Variants in LMOD2 observed in about 807,000 individuals in gnomAD.
LMOD2 encodes leiomodin 2.
A neutral mutation model predicts 41.7 loss-of-function variants in LMOD2; 27 were observed. The ratio of observed to expected loss-of-function variants is 0.65; its 90% CI spans 0.48 to 0.89. The LOEUF (loss-of-function observed/expected upper bound fraction) is 0.89, where lower values mean the gene tolerates loss of function less well. Among genes scored for constraint, LMOD2 ranks in the 40% least tolerant of loss-of-function variants. The pLI is 0.00. For missense variants in LMOD2, 624 were observed against 667.9 expected (o/e 0.93, Z 0.72); for synonymous variants, 251 against 244.6 (o/e 1.03, Z -0.25).
At chr7:123,660,732 C>A (rs199586942) in intron 1 of LMOD2, among the ~76,000 whole-genome samples, 2 of 144,874 alleles carry the variant, frequency 1.4e-5, no homozygotes, top group African/African-American at 5.0e-5. Flanking sequence ...ATTTCTAGAC[C>A]TTTTTTTTTT....
At position 123,662,899 on chromosome 7, in the gene LMOD2, T is replaced by C. The variant is rs774926920; in HGVS notation, c.1313T>C (p.Leu438Pro). 2.1e-5 allele frequency: 27 copies of C among 1,294,080 alleles called. No homozygotes were observed. Among genetic ancestry groups the C allele is most frequent in the Non-Finnish European group, 2.4e-5 (24 of 984,144 alleles). 80.2% of individuals were successfully genotyped at this position (1,294,080 alleles called of 1,614,324 possible). A position where few individuals can be genotyped will look rare whatever the true frequency, so the allele number is the denominator to read the frequency against. ...CCTCCCCCTCCTTCTTCCCAAAGGCTGCCACCACCTCCTCCTCCTCCCCCT... is the reference window on the plus strand; with the variant it reads ...CCTCCCCCTCCTTCTTCCCAAAGGCCGCCACCACCTCCTCCTCCTCCCCCT... ...PPPPPPSSQR[L>P]PPPPPPPPPP... The change falls in exon 2 of 3, where the codon CTG becomes CCG. Residue 438 changes from leucine (L) to proline (P), a missense_variant. By Grantham distance (98) the Leu-to-Pro change is moderately conservative. Coordinates refer to ENST00000458573, the MANE Select transcript of LMOD2 (RefSeq NM_207163.3). This position sits in a 1 kb window ranked among gnomAD's most constrained non-coding sequence, Gnocchi z 4.0.
intron 1 of LMOD2, 97 bp downstream of exon 1, chr7:123,656,333 C>T (rs1802787313): frequency 6.9e-6 from 9 of 1,309,014 alleles, no homozygotes; most frequent in Non-Finnish European, 8.3e-6. Context: ...ATCCTCATCA[C>T]TTGAATTTTC....
intron 1 of LMOD2, among the ~76,000 whole-genome samples, chr7:123,658,082 T>A (rs536320237): frequency 1.5e-4 from 23 of 151,542 alleles, no homozygotes; most frequent in Non-Finnish European, 3.2e-4. Context: ...GGCTTTTTAA[T>A]GTCACAATGA....
At chr7:123,661,461 G>C (rs1735010258) in intron 1 of LMOD2, among the ~76,000 whole-genome samples, 1 of 152,250 alleles carries the variant, frequency 6.6e-6, no homozygotes, top group Admixed American at 6.5e-5. Flanking sequence ...AGTGATTCCA[G>C]AAGGGAGGGT....
intron 1 of LMOD2, among the ~76,000 whole-genome samples, chr7:123,661,647 C>G (rs1266483580): frequency 6.6e-6 from 1 of 152,010 alleles, no homozygotes; most frequent in Non-Finnish European, 1.5e-5. Context: ...CTGCAGAAAA[C>G]AAGAGAAATG....
chr7:123,661,853 T>C lies in LMOD2; in HGVS notation c.274-7T>C. The stretch of plus-strand genomic sequence containing the variant: ...AAGAAGCTTAATGATGATATCATAC[T>C]CTTTAGGTTGCAGAAGACAAAGAGG... On this transcript the variant is annotated splice_polypyrimidine_tract_variant and splice_region_variant and intron_variant, in intron 1 of 2. Coordinates refer to ENST00000458573, the MANE Select transcript of LMOD2 (RefSeq NM_207163.3). The C allele has an allele frequency of 2.7e-6, 4 of 1,486,190 alleles. No individual in the cohort carries two copies. The South Asian group carries it at 5.4e-5, about 20-fold the overall frequency. The allele number at this position is 1,486,190 out of a possible 1,614,324, so 92.1% of individuals were successfully genotyped here.
chr7:123,660,615 G>C (rs183971687), intron 1 of LMOD2, among the ~76,000 whole-genome samples: 4 of 151,422 alleles, frequency 2.6e-5, no homozygotes, highest in Admixed American at 1.3e-4. Context: ...CCAATATAGA[G>C]AGAAGAATCA....
In LMOD2 at chr7:123,662,382, G is replaced by C; in HGVS notation, c.796G>C (p.Val266Leu). 6.2e-7 allele frequency: 1 copy of C among 1,613,820 alleles called. No individual in the cohort carries two copies. The highest frequency in any genetic ancestry group is 8.5e-7 in the Non-Finnish European group (1 of 1,179,854). Residue 266 changes from valine (V) to leucine (L), a missense_variant, in exon 2 of 3, where the codon GTC becomes CTC. Transcript: ENST00000458573. The surrounding 1 kb of genome is among the most constrained non-coding windows in gnomAD (Gnocchi z 4.0). ...AAMAIAEMLKVNEHITNVNVE... is the reference protein window; with the variant it reads ...AAMAIAEMLKLNEHITNVNVE... The stretch of plus-strand genomic sequence containing the variant: ...CATGGCCATTGCAGAGATGCTCAAA[G>C]TCAATGAGCACATCACCAACGTAAA...
chr7:123,659,087 T>G (rs969343216), intron 1 of LMOD2, among the ~76,000 whole-genome samples: 1 of 152,210 alleles, frequency 6.6e-6, no homozygotes, highest in Non-Finnish European at 1.5e-5. Context: ...AAACGGTCAA[T>G]TAACACATAC....
Position 123,662,238 on chromosome 7 carries a change from T to C in LMOD2, c.652T>C (p.Leu218=), listed in dbSNP as rs771517107. Reference sequence around the variant, plus strand: ...TGACCCTGACACCACAGAAGTCAATTTGAACAACATTGAGAACATCACAAC... The same window carrying C: ...TGACCCTGACACCACAGAAGTCAATCTGAACAACATTGAGAACATCACAAC... ...SNDPDTTEVN[L]NNIENITTQT... The change falls in exon 2 of 3, where the codon TTG becomes CTG. Residue 218 remains leucine, a synonymous_variant. Coordinates refer to ENST00000458573, the MANE Select transcript of LMOD2 (RefSeq NM_207163.3). This position sits in a 1 kb window ranked among gnomAD's most constrained non-coding sequence, Gnocchi z 4.0. 3 of 1,613,976 alleles carry C rather than the reference T, an allele frequency of 1.9e-6. No homozygotes were observed. The Admixed American group carries it at 5.0e-5, about 27-fold the overall frequency.
In LMOD2 at chr7:123,661,854, CT is replaced by C; in HGVS notation, c.274-3del. ...AGAAGCTTAATGATGATATCATACT[CT>C]TTAGGTTGCAGAAGACAAAGAGGAA... On this transcript the variant is annotated splice_region_variant and splice_polypyrimidine_tract_variant and intron_variant, in intron 1 of 2. Coordinates refer to ENST00000458573, the MANE Select transcript of LMOD2 (RefSeq NM_207163.3). The C allele has an allele frequency of 1.3e-6, 2 of 1,497,490 alleles. No homozygotes were observed. The highest frequency in any genetic ancestry group is 8.9e-7 in the Non-Finnish European group (1 of 1,120,590). The allele number at this position is 1,497,490 out of a possible 1,614,324, so 92.8% of individuals were successfully genotyped here.
intron 1 of LMOD2, 119 bp downstream of exon 1, chr7:123,656,355 T>C: frequency 9.7e-7 from 1 of 1,026,204 alleles, no homozygotes; most frequent in Non-Finnish European, 1.4e-6. Context: ...TATAACCCAT[T>C]TATACTTGCT....
At chr7:123,660,295 TCTCTCTCTCTCC>T (rs1431941493) in intron 1 of LMOD2, among the ~76,000 whole-genome samples, 1 of 145,520 alleles carries the variant, frequency 6.9e-6, no homozygotes, top group Non-Finnish European at 1.5e-5. Context: ...TTTCTCTCTC[TCTCTCTCTCTCC>T]CTCTCTCTCT....
At chr7:123,661,056 T>A (rs368802937) in intron 1 of LMOD2, among the ~76,000 whole-genome samples, 1 of 152,178 alleles carries the variant, frequency 6.6e-6, no homozygotes, top group African/African-American at 2.4e-5. Flanking sequence ...AGGTTTCAAG[T>A]TGATTTTCCC....
At chr7:123,663,265 A>T (rs772208536) in intron 2 of LMOD2, 62 bp downstream of exon 2, 1 of 1,502,172 alleles carries the variant, frequency 6.7e-7, no homozygotes. Flanking sequence ...CCTCCATTGC[A>T]TGGTGGTACC....
Position 123,660,303 on chromosome 7 carries a change from T to C in LMOD2, c.274-1557T>C, listed in dbSNP as rs60628377. Among the ~76,000 whole-genome samples the C allele has an allele frequency of 1.1e-3, 126 of 116,240 alleles. 2 individuals are homozygous for C. In the South Asian group the frequency reaches 0.029, roughly 27 times the overall value. 76.3% of individuals were successfully genotyped at this position (116,240 alleles called of 152,430 possible). ...CTCTCTCTTTCTCTCTCTCTCTCTC[T>C]CTCCCTCTCTCTCTCTCTCTCACAC... On this transcript the variant is annotated intron_variant, in intron 1 of 2. Coordinates refer to ENST00000458573, the MANE Select transcript of LMOD2 (RefSeq NM_207163.3).
intron 1 of LMOD2, among the ~76,000 whole-genome samples, chr7:123,660,433 C>A (rs1307220062): frequency 2.0e-5 from 3 of 151,964 alleles, no homozygotes; most frequent in Admixed American, 6.6e-5. Context: ...GAGTGGCTGA[C>A]CCCTTCCCCA....
At position 123,655,882 on chromosome 7, in the gene LMOD2, G is replaced by A; in HGVS notation, c.-82G>A. 1.5e-6 allele frequency: 2 copies of A among 1,325,348 alleles called. No homozygotes were observed. The highest frequency in any genetic ancestry group is 2.5e-5 in the East Asian group (1 of 40,112). The allele number at this position is 1,325,348 out of a possible 1,614,324, so 82.1% of individuals were successfully genotyped here. A position where few individuals can be genotyped will look rare whatever the true frequency, so the allele number is the denominator to read the frequency against. ...CCTAGCACCAGTTGTTGACCAGCCT[G>A]CCACTTGCCTCCCTGCCTGCTTCTG... is the stretch of plus-strand genomic sequence containing the variant. On this transcript the variant is annotated 5_prime_UTR_variant, in exon 1 of 3. Transcript: ENST00000458573.
At chr7:123,656,384 C>A in intron 1 of LMOD2, 148 bp downstream of exon 1, 1 of 847,254 alleles carries the variant, frequency 1.2e-6, no homozygotes. Context: ...ATTTTTCAGG[C>A]TGAAATAATC....
Sources: allele counts gnomAD v4.1 joint callset (sites outside exome capture counted in the v4.1 genomes callset), GRCh38; gene constraint gnomAD v4.1.1; non-coding constraint Gnocchi (gnomAD v3.1); transcripts MANE v1.5; gene names NCBI Gene and HGNC (gene_info 2026-07-23, HGNC 2026-07-21).